HDAC5: variants seen among roughly 807,000 people sequenced by gnomAD.
HDAC5 encodes the protein histone deacetylase 5.
A neutral mutation model predicts 133.3 loss-of-function variants in HDAC5; 25 were observed. The ratio of observed to expected loss-of-function variants is 0.19; its 90% CI spans 0.14 to 0.26. HDAC5 has a LOEUF of 0.26. HDAC5 is among the 10% of genes least tolerant of loss of function. The pLI is 1.00. For synonymous variants in HDAC5, 589 were observed against 610.8 expected (o/e 0.96, Z 0.53); for missense variants, 1,041 against 1,460.5 (o/e 0.71, Z 4.68).
intron 2 of HDAC5, chr17:44,111,375 A>G (rs1029880609): frequency 1.0e-4 from 34 of 340,134 alleles, no homozygotes; most frequent in South Asian, 2.3e-4. Flanking sequence ...CCCAGGAGGA[A>G]GCGCCAGGCG....
chr17:44,088,004 C>A (rs1567991563), intron 12 of HDAC5, among the ~76,000 whole-genome samples: 2 of 151,984 alleles, frequency 1.3e-5, no homozygotes, highest in African/African-American at 4.8e-5. Flanking sequence ...CCACCACGCC[C>A]AGCTAATTTT....
chr17:44,108,755 A>AAAAAAAAAAAC (rs2052137922), intron 3 of HDAC5, among the ~76,000 whole-genome samples: 1 of 133,716 alleles, frequency 7.5e-6, no homozygotes, highest in African/African-American at 2.9e-5. Context: ...AGAGTCCAAA[A>AAAAAAAAAAAC]AAAAAACAAA....
At chr17:44,104,347 T>C (rs1204753964) in intron 3 of HDAC5, among the ~76,000 whole-genome samples, 1 of 152,106 alleles carries the variant, frequency 6.6e-6, no homozygotes, top group Non-Finnish European at 1.5e-5. Flanking sequence ...GTGCATAAAA[T>C]GAAATACTTA....
chr17:44,099,071 G>A (rs190779063), intron 3 of HDAC5, among the ~76,000 whole-genome samples: 4 of 152,200 alleles, frequency 2.6e-5, no homozygotes, highest in Admixed American at 1.3e-4. Context: ...AGCCAAGATC[G>A]CGACATTGCA....
intron 3 of HDAC5, among the ~76,000 whole-genome samples, chr17:44,106,844 G>T (rs559517824): frequency 1.3e-5 from 2 of 151,816 alleles, no homozygotes; most frequent in Non-Finnish European, 2.9e-5. Flanking sequence ...GATTCCAGGT[G>T]TGAGCCACCG....
In HDAC5 at chr17:44,080,903, A is replaced by G. The variant is rs781546406; in HGVS notation, c.2608-21T>C. 1.3e-5 allele frequency: 21 copies of G among 1,614,086 alleles called. No homozygotes were observed. In the South Asian group the frequency reaches 2.0e-4, roughly 15 times the overall value. ...ATGTCCTATGAGGGGAGGTAGAAGCATCGGGAAAATGGCCCGCGCTCTGAC... is the reference window on the plus strand; with the variant it reads ...ATGTCCTATGAGGGGAGGTAGAAGCGTCGGGAAAATGGCCCGCGCTCTGAC... On this transcript the variant is annotated intron_variant, in intron 20 of 26. Transcript: ENST00000682912.
At chr17:44,114,679 G>A (rs1014622372) in intron 2 of HDAC5, among the ~76,000 whole-genome samples, 18 of 152,178 alleles carry the variant, frequency 1.2e-4, no homozygotes, top group Non-Finnish European at 2.6e-4. Context: ...GAGCTGGCCT[G>A]GGTCCCAGGC....
chr17:44,080,328 G>GT, intron 22 of HDAC5, 73 bp downstream of exon 22: 2 of 1,553,634 alleles, frequency 1.3e-6, no homozygotes, highest in Non-Finnish European at 1.8e-6. Context: ...ACTGAACTGA[G>GT]TGCCTTCTGC....
chr17:44,090,685 T>G (rs1019793119), intron 11 of HDAC5, among the ~76,000 whole-genome samples: 4 of 151,984 alleles, frequency 2.6e-5, no homozygotes, highest in Non-Finnish European at 5.9e-5. Flanking sequence ...CACTTGCTTC[T>G]TTTAATTTTT....
chr17:44,088,472 G>A lies in HDAC5; in HGVS notation c.1514C>T (p.Pro505Leu). The A allele has an allele frequency of 6.2e-7, 1 of 1,610,012 alleles. No homozygotes were observed. The highest frequency in any genetic ancestry group is 8.5e-7 in the Non-Finnish European group (1 of 1,178,602). The change falls in exon 12 of 27, where the codon CCC becomes CTC. Residue 505 changes from proline (P) to leucine (L), a missense_variant. Physicochemically the swap from Pro to Leu is moderately conservative, Grantham distance 98 (BLOSUM62 -3). Around this residue, in one of 9 missense-constraint regions of HDAC5, gnomAD observed 433 missense variants for 531.6 expected, o/e 0.81. Coordinates refer to ENST00000682912, the MANE Select transcript of HDAC5 (RefSeq NM_005474.5). ...CATGACCAGCTGCTGCAGGGCCTGGGGACTCTGCGGCAGCGGTGAGGACTG... is the reference window on the plus strand; with the variant it reads ...CATGACCAGCTGCTGCAGGGCCTGGAGACTCTGCGGCAGCGGTGAGGACTG... ...RTQSSPLPQS[P>L]QALQQLVMQQ...
intron 2 of HDAC5, among the ~76,000 whole-genome samples, chr17:44,114,513 C>G (rs1224706355): frequency 6.6e-6 from 1 of 152,060 alleles, no homozygotes; most frequent in African/African-American, 2.4e-5. Context: ...AGGCGCTGGG[C>G]AGGCAGGTGT....
chr17:44,094,754 G>GTA (rs900088175), intron 3 of HDAC5, among the ~76,000 whole-genome samples: 29 of 137,120 alleles, frequency 2.1e-4, no homozygotes, highest in African/African-American at 5.1e-4. Context: ...GTATGTGTGT[G>GTA]TATATATATA....
chr17:44,119,119 A>G (rs562327823), intron 1 of HDAC5, among the ~76,000 whole-genome samples: 1 of 152,308 alleles, frequency 6.6e-6, no homozygotes, highest in South Asian at 2.1e-4. Context: ...ATTGCTCCTG[A>G]CGGGCACAGG....
At chr17:44,079,894 C>A (rs544477499) in intron 23 of HDAC5, among the ~76,000 whole-genome samples, 1 of 152,276 alleles carries the variant, frequency 6.6e-6, no homozygotes, top group African/African-American at 2.4e-5. Flanking sequence ...GATACATCCT[C>A]TATCCTCTGC....
chr17:44,104,137 G>A lies in HDAC5; in HGVS notation c.94+6592C>T, dbSNP rs190899009. On this transcript the variant is annotated intron_variant, in intron 3 of 26. Transcript: ENST00000682912. Reference sequence around the variant, plus strand: ...GGATTTCAAGACCAGCCTGGCCAACGTGGTGAAACCCCGTCTCTACTAAAA... The same window carrying A: ...GGATTTCAAGACCAGCCTGGCCAACATGGTGAAACCCCGTCTCTACTAAAA... 2.0e-5 allele frequency among the ~76,000 whole-genome samples: 3 copies of A among 150,930 alleles called. 1 individual carries two copies. The East Asian group carries it at 6.1e-4, about 31-fold the overall frequency.
rs73306698 is a variant in HDAC5 at position 44,078,693 on chromosome 17, A to G, written c.3164-28T>C. The G allele has an allele frequency of 3.4e-3, 5,539 of 1,606,110 alleles. 144 individuals carry two copies. In the African/African-American group the frequency reaches 0.061, roughly 18 times the overall value. ...GTGGACGAGAGACAGGCAAGGGGTC[A>G]GGGAGGGCAGAGGACACCCACATGA... is the stretch of plus-strand genomic sequence containing the variant. On this transcript the variant is annotated intron_variant, in intron 25 of 26. Coordinates refer to ENST00000682912, the MANE Select transcript of HDAC5 (RefSeq NM_005474.5).
At chr17:44,084,437 A>T in intron 16 of HDAC5, 118 bp downstream of exon 16, 1 of 1,233,110 alleles carries the variant, frequency 8.1e-7, no homozygotes, top group Non-Finnish European at 1.1e-6. Context: ...CCTCTGCCGC[A>T]GCAATGCCCT....
intron 2 of HDAC5, chr17:44,111,468 G>A (rs991796267): frequency 2.8e-5 from 12 of 422,468 alleles, no homozygotes; most frequent in Admixed American, 5.0e-5. Flanking sequence ...GGGGAAGGGC[G>A]CCGGCCAGGG....
At chr17:44,123,440 G>A (rs2053138347) in intron 1 of HDAC5, 64 bp downstream of exon 1, 1 of 361,240 alleles carries the variant, frequency 2.8e-6, no homozygotes, top group Non-Finnish European at 5.0e-6. Flanking sequence ...GCAGGAGGAG[G>A]GGGCGCCGCC....
Sources: gnomAD v4.1 joint callset for allele counts (sites outside exome capture counted in the v4.1 genomes callset) on GRCh38, gnomAD v4.1.1 for gene constraint, gnomAD v4.1.1 regional missense constraint, MANE v1.5 for transcripts, NCBI Gene and HGNC (gene_info 2026-07-23, HGNC 2026-07-21) for gene names.